Variants in RAD1 observed in about 807,000 individuals in gnomAD.
RAD1 encodes the protein RAD1 checkpoint DNA exonuclease.
Under a neutral mutation model 30.0 loss-of-function variants are expected in RAD1, and 21 were observed. The observed-to-expected ratio is 0.70, with a 90% CI of 0.50 to 1.01. The LOEUF (loss-of-function observed/expected upper bound fraction) is 1.01, where lower values mean the gene tolerates loss of function less well. Among genes scored for constraint, RAD1 ranks in the 50% least tolerant of loss-of-function variants. The pLI, the probability that RAD1 is intolerant of heterozygous loss-of-function variation, is 0.00. For missense variants in RAD1, 329 were observed against 329.0 expected (o/e 1.00, Z 0.00); for synonymous variants, 109 against 113.6 (o/e 0.96, Z 0.26).
At chr5:34,913,607 T>A in intron 2 of RAD1, 29 bp from the exon 3 acceptor site, 1 of 1,381,268 alleles carries the variant, frequency 7.2e-7, no homozygotes, top group African/African-American at 1.5e-5. Flanking sequence ...TGAAAATTGT[T>A]ACATAAAAGA....
intron 2 of RAD1, chr5:34,914,016 A>G (rs1763949403): frequency 4.4e-6 from 2 of 456,684 alleles, no homozygotes; most frequent in South Asian, 1.5e-5. Flanking sequence ...GTGAGCCACC[A>G]TACCATGCCC....
Position 34,908,588 on chromosome 5 carries a change from C to G in RAD1, c.*177G>C. 3.7e-6 allele frequency: 2 copies of G among 546,496 alleles called. No individual in the cohort carries two copies. The highest frequency in any genetic ancestry group is 6.5e-6 in the Non-Finnish European group (2 of 309,638). 33.9% of individuals were successfully genotyped at this position (546,496 alleles called of 1,614,324 possible). A position where few individuals can be genotyped will look rare whatever the true frequency, so the allele number is the denominator to read the frequency against. On this transcript the variant is annotated 3_prime_UTR_variant, in exon 6 of 6. Coordinates refer to ENST00000382038, the MANE Select transcript of RAD1 (RefSeq NM_002853.4). ...AGGAAAACATTTATTTACATGCCCTCTACAAAATGGATTTACAAAACATAG... is the reference window on the plus strand; with the variant it reads ...AGGAAAACATTTATTTACATGCCCTGTACAAAATGGATTTACAAAACATAG...
intron 1 of RAD1, 163 bp downstream of exon 1, chr5:34,915,253 C>T: frequency 6.6e-6 from 2 of 302,048 alleles, no homozygotes; most frequent in Non-Finnish European, 6.2e-6. Flanking sequence ...CGGTTTTGTG[C>T]AGCCCGCGCC....
At chr5:34,914,055 T>G (rs1298787984) in intron 2 of RAD1, 2 of 455,556 alleles carry the variant, frequency 4.4e-6, no homozygotes, top group African/African-American at 2.0e-5. Context: ...CGTGTCTTAT[T>G]TACCTCTCTA....
Position 34,909,337 on chromosome 5 carries a change from C to T in RAD1, c.586G>A (p.Ala196Thr), listed in dbSNP as rs918087089. ...GGATAGTCAAGGTGGGAACTTCCTG[C>T]ATTTCCAAAAGTAGATAACCTATAG... Reference protein sequence around the residue: ...PYFRLSTFGNAGSSHLDYPKD... With the variant: ...PYFRLSTFGNTGSSHLDYPKD... Residue 196 changes from alanine (A) to threonine (T), a missense_variant, in exon 5 of 6, where the codon GCA (alanine) becomes ACA (threonine). By Grantham distance (58) the Ala-to-Thr change is moderately conservative. Coordinates refer to ENST00000382038, the MANE Select transcript of RAD1 (RefSeq NM_002853.4). 1.4e-5 allele frequency: 22 copies of T among 1,606,780 alleles called. No homozygotes were observed. The highest frequency in any genetic ancestry group is 5.3e-5 in the African/African-American group (4 of 74,776).
chr5:34,913,097 C>A (rs2111949192), intron 3 of RAD1, among the ~76,000 whole-genome samples: 1 of 152,266 alleles, frequency 6.6e-6, no homozygotes, highest in South Asian at 2.1e-4. Flanking sequence ...GGAGTCAGAA[C>A]TGGCTTTTGT....
chr5:34,905,274 A>G lies in RAD1; in HGVS notation c.*3491T>C, dbSNP rs1168881670. 1 of 152,246 alleles carries G rather than the reference A, an allele frequency of 6.6e-6. No homozygotes were observed. The highest frequency in any genetic ancestry group is 1.5e-5 in the Non-Finnish European group (1 of 68,046). 9.4% of individuals were successfully genotyped at this position (152,246 alleles called of 1,614,324 possible). On this transcript the variant is annotated 3_prime_UTR_variant, in exon 6 of 6. Transcript: ENST00000382038. ...ATACACTCCGATTTCTCAGGACCCA[A>G]TAGATTTTATTTCAGGTGGGGATAA...
At chr5:34,915,222 A>G (rs1300160596) in intron 1 of RAD1, among the ~76,000 whole-genome samples, 194 bp downstream of exon 1, 1 of 152,182 alleles carries the variant, frequency 6.6e-6, no homozygotes, top group African/African-American at 2.4e-5. Flanking sequence ...GCCAAACAGG[A>G]GCTACAAATC....
rs2111924171 is a variant in RAD1 at position 34,907,544 on chromosome 5, T to C, written c.*1221A>G. On this transcript the variant is annotated 3_prime_UTR_variant, in exon 6 of 6. Transcript: ENST00000382038. Reference sequence around the variant, plus strand: ...TTGCATTTTATTAAATATATTTATATGCCACAAAAATTATTTTAGTGACAA... The same window carrying C: ...TTGCATTTTATTAAATATATTTATACGCCACAAAAATTATTTTAGTGACAA... The C allele has an allele frequency of 6.6e-6, 1 of 152,360 alleles. No individual in the cohort carries two copies. The highest frequency in any genetic ancestry group is 2.1e-4 in the South Asian group (1 of 4,828). 9.4% of individuals were successfully genotyped at this position (152,360 alleles called of 1,614,324 possible). A position where few individuals can be genotyped will look rare whatever the true frequency, so the allele number is the denominator to read the frequency against.
chr5:34,912,506 T>C (rs1292843315), intron 3 of RAD1, among the ~76,000 whole-genome samples: 1 of 152,184 alleles, frequency 6.6e-6, no homozygotes, highest in African/African-American at 2.4e-5. Flanking sequence ...GTATAATTAA[T>C]AATAGTGGAA....
In RAD1 at chr5:34,914,841, C is replaced by T; in HGVS notation, c.52G>A (p.Val18Met). The T allele has an allele frequency of 6.2e-7, 1 of 1,614,170 alleles. No homozygotes were observed. Among genetic ancestry groups the T allele is most frequent in the African/African-American group, 1.3e-5 (1 of 75,048 alleles). Reference sequence around the variant, plus strand: ...TTCCTAACGTTGTCAAGGCTGGCCACAAGGCTGTACTGATCATCCTCGTCT... The same window carrying T: ...TTCCTAACGTTGTCAAGGCTGGCCATAAGGCTGTACTGATCATCCTCGTCT... ...IQDEDDQYSL[V>M]ASLDNVRNLS... The change falls in exon 2 of 6, where the codon GTG becomes ATG. Residue 18 changes from valine (V) to methionine (M), a missense_variant. Coordinates refer to ENST00000382038, the MANE Select transcript of RAD1 (RefSeq NM_002853.4).
In RAD1 at chr5:34,914,886, G is replaced by A. The variant is rs1295336557; in HGVS notation, c.7C>T (p.Leu3Phe). MP[L>F]LTQQIQDEDD... The stretch of plus-strand genomic sequence containing the variant: ...TCGTCTTGGATCTGTTGGGTCAGAA[G>A]GGGCATCGTCCACTGCGCATTCGGC... Residue 3 changes from leucine to phenylalanine, a missense_variant, in exon 2 of 6, where the codon CTT becomes TTT. Physicochemically the swap from Leu to Phe is conservative, Grantham distance 22. Transcript: ENST00000382038. 14 of 1,614,122 alleles carry A rather than the reference G, an allele frequency of 8.7e-6. No homozygotes were observed. Among genetic ancestry groups the A allele is most frequent in the Non-Finnish European group, 1.1e-5 (13 of 1,180,036 alleles).
At chr5:34,914,668 C>T (rs761686739) in intron 2 of RAD1, 27 bp downstream of exon 2, 2 of 1,609,696 alleles carry the variant, frequency 1.2e-6, no homozygotes, top group Non-Finnish European at 1.7e-6. Flanking sequence ...ATCTATGGCA[C>T]AGGCTTAAAG....
At chr5:34,915,277 C>T (rs1279866362) in intron 1 of RAD1, 139 bp downstream of exon 1, 1 of 278,506 alleles carries the variant, frequency 3.6e-6, no homozygotes, top group Non-Finnish European at 6.8e-6. Flanking sequence ...AGCCCCGCCT[C>T]CAACAAAACA....
At position 34,911,795 on chromosome 5, in the gene RAD1, G is replaced by A. The variant is rs2308956; in HGVS notation, c.325C>T (p.Arg109Ter). ...TAACCATAACCTTGGTAACACATTC[G>A]AAGTGCAGTTAAAGTCCCTGCAATG... ...SPMPGTLTAL[R>*]MCYQGYGYPL... Residue 109 changes from arginine to a stop codon, truncating the protein, a stop_gained, in exon 4 of 6, where the codon CGA becomes TGA. Coordinates refer to ENST00000382038, the MANE Select transcript of RAD1 (RefSeq NM_002853.4). LOFTEE classifies it high-confidence loss of function. 7.0e-4 allele frequency: 1,126 copies of A among 1,614,112 alleles called. No individual in the cohort carries two copies. The highest frequency in any genetic ancestry group is 9.1e-4 in the Non-Finnish European group (1,075 of 1,180,006).
intron 3 of RAD1, 27 bp from the exon 4 acceptor site, chr5:34,911,839 C>T (rs1458952366): frequency 3.7e-6 from 6 of 1,610,628 alleles, no homozygotes; most frequent in Non-Finnish European, 4.2e-6. Context: ...TCATACTTGG[C>T]CTTAGCTTTA....
Position 34,914,964 on chromosome 5 carries a change from G to T in RAD1, c.-69-3C>A. ...CTTCTCGGCGGATCGCCAAACACCTGAAGGGATTAGACAGTAAAACTCCCA... is the reference window on the plus strand; with the variant it reads ...CTTCTCGGCGGATCGCCAAACACCTTAAGGGATTAGACAGTAAAACTCCCA... On this transcript the variant is annotated splice_region_variant and splice_polypyrimidine_tract_variant and intron_variant, in intron 1 of 5. Coordinates refer to ENST00000382038, the MANE Select transcript of RAD1 (RefSeq NM_002853.4). 1 of 1,533,644 alleles carries T rather than the reference G, an allele frequency of 6.5e-7. No individual in the cohort carries two copies. Among genetic ancestry groups the T allele is most frequent in the Non-Finnish European group, 8.9e-7 (1 of 1,118,108 alleles).
At chr5:34,909,413 T>A in intron 4 of RAD1, 57 bp from the exon 5 acceptor site, 10 of 1,253,978 alleles carry the variant, frequency 8.0e-6, no homozygotes, top group Non-Finnish European at 1.2e-5. Context: ...CACATTAGGA[T>A]CCAAATAAAG....
rs113022677 is a variant in RAD1 at position 34,911,794 on chromosome 5, C to T, written c.326G>A (p.Arg109Gln). ...GTAACCATAACCTTGGTAACACATT[C>T]GAAGTGCAGTTAAAGTCCCTGCAAT... Reference protein sequence around the residue: ...SPMPGTLTALRMCYQGYGYPL... With the variant: ...SPMPGTLTALQMCYQGYGYPL... Residue 109 changes from arginine to glutamine, a missense_variant, in exon 4 of 6, where the codon CGA becomes CAA. Physicochemically the swap from Arg to Gln is conservative, Grantham distance 43. Coordinates refer to ENST00000382038, the MANE Select transcript of RAD1 (RefSeq NM_002853.4). 13 of 1,614,120 alleles carry T rather than the reference C, an allele frequency of 8.1e-6. No homozygotes were observed. The highest frequency in any genetic ancestry group is 6.7e-5 in the African/African-American group (5 of 75,040).
Sources: allele counts gnomAD v4.1 joint callset (sites outside exome capture counted in the v4.1 genomes callset), GRCh38; gene constraint gnomAD v4.1.1; transcripts MANE v1.5; gene names NCBI Gene and HGNC (gene_info 2026-07-23, HGNC 2026-07-21).